LOC128462377: variants seen among roughly 807,000 people sequenced by gnomAD.
chr16:89,341,746 ACT>A, the LOC128462377 span, among the ~76,000 whole-genome samples: 1 of 152,230 alleles, frequency 6.6e-6, no homozygotes, highest in East Asian at 1.9e-4. Context: ...CCTTGGGTTA[ACT>A]CTCTCTGCAC....
At chr16:89,336,060 C>A in the LOC128462377 span, among the ~76,000 whole-genome samples, 1 of 152,200 alleles carries the variant, frequency 6.6e-6, no homozygotes, top group Non-Finnish European at 1.5e-5. Flanking sequence ...GATACTATTC[C>A]TGCCAGTTGG....
chr16:89,358,758 C>A, the LOC128462377 span, among the ~76,000 whole-genome samples: 6 of 152,184 alleles, frequency 3.9e-5, no homozygotes, highest in Non-Finnish European at 7.3e-5. Context: ...GATAACCCCA[C>A]GTGCAAACCA....
chr16:89,402,027 A>G, the LOC128462377 span, among the ~76,000 whole-genome samples: 6 of 148,172 alleles, frequency 4.0e-5, no homozygotes, highest in South Asian at 2.1e-4. Context: ...CCTTGCTGTG[A>G]AAGCTCCTGG....
chr16:89,379,175 T>C, the LOC128462377 span, among the ~76,000 whole-genome samples: 1 of 152,218 alleles, frequency 6.6e-6, no homozygotes, highest in African/African-American at 2.4e-5. Flanking sequence ...CACACGGCCA[T>C]TCTGGGAGCT....
At chr16:89,350,607 C>T in the LOC128462377 span, among the ~76,000 whole-genome samples, 2 of 152,108 alleles carry the variant, frequency 1.3e-5, no homozygotes, top group Non-Finnish European at 2.9e-5. Context: ...CTACAGTGAC[C>T]GAAAGCACAT....
the LOC128462377 span, among the ~76,000 whole-genome samples, chr16:89,398,414 C>G: frequency 2.3e-5 from 3 of 129,214 alleles, no homozygotes; most frequent in Admixed American, 1.6e-4. Flanking sequence ...TCTCAGCACT[C>G]TGGGAGGCTG....
At chr16:89,388,825 G>C in the LOC128462377 span, among the ~76,000 whole-genome samples, 1 of 152,182 alleles carries the variant, frequency 6.6e-6, no homozygotes, top group South Asian at 2.1e-4. Flanking sequence ...GCCACAGCCC[G>C]GGGAATGATG....
At chr16:89,319,763 C>T in the LOC128462377 span, among the ~76,000 whole-genome samples, 9 of 152,252 alleles carry the variant, frequency 5.9e-5, no homozygotes, top group Non-Finnish European at 1.2e-4. Context: ...TCCCAGGACC[C>T]GCCTGCAGGC....
At chr16:89,324,297 A>C in the LOC128462377 span, 2 of 1,264,238 alleles carry the variant, frequency 1.6e-6, no homozygotes, top group South Asian at 1.3e-5. Flanking sequence ...AACACGGACC[A>C]CCCGACAGGA....
At chr16:89,359,772 TCTACA>T in the LOC128462377 span, among the ~76,000 whole-genome samples, 1 of 152,226 alleles carries the variant, frequency 6.6e-6, no homozygotes, top group African/African-American at 2.4e-5. Flanking sequence ...TGCATTTTAG[TCTACA>T]CTACATTCTA....
the LOC128462377 span, among the ~76,000 whole-genome samples, chr16:89,408,951 T>C: frequency 5.3e-5 from 8 of 151,838 alleles, no homozygotes; most frequent in East Asian, 1.9e-4. Context: ...CGCTGTGGAG[T>C]GCGGTTTCTA....
At chr16:89,411,465 G>GT in the LOC128462377 span, among the ~76,000 whole-genome samples, 1 of 152,186 alleles carries the variant, frequency 6.6e-6, no homozygotes, top group Non-Finnish European at 1.5e-5. Flanking sequence ...TAGAGCTGGA[G>GT]TGCAGTGGTG....
At chr16:89,337,270 G>A in the LOC128462377 span, among the ~76,000 whole-genome samples, 3 of 151,808 alleles carry the variant, frequency 2.0e-5, no homozygotes, top group Non-Finnish European at 2.9e-5. Flanking sequence ...TGCTCCCAAG[G>A]AAACGTCAGA....
chr16:89,348,902 C>A, the LOC128462377 span, among the ~76,000 whole-genome samples: 4 of 148,710 alleles, frequency 2.7e-5, no homozygotes, highest in East Asian at 2.0e-4. Context: ...CCCAGCCGGG[C>A]ATATCACCTG....
At chr16:89,337,476 G>A in the LOC128462377 span, among the ~76,000 whole-genome samples, 36 of 108,048 alleles carry the variant, frequency 3.3e-4, no homozygotes, top group Admixed American at 4.4e-3. Context: ...TCCCTCTGTC[G>A]CCCAGGCTGG....
the LOC128462377 span, among the ~76,000 whole-genome samples, chr16:89,398,311 G>A: frequency 2.2e-4 from 31 of 138,762 alleles, no homozygotes; most frequent in African/African-American, 8.6e-4. Context: ...TGACATGAGG[G>A]ACACTGTGAA....
the LOC128462377 span, among the ~76,000 whole-genome samples, chr16:89,376,381 G>A: frequency 6.6e-6 from 1 of 152,188 alleles, no homozygotes; most frequent in Non-Finnish European, 1.5e-5. Flanking sequence ...TAGCAGATGA[G>A]GTCCCAGACA....
chr16:89,407,299 C>CG, the LOC128462377 span, among the ~76,000 whole-genome samples: 7 of 151,298 alleles, frequency 4.6e-5, no homozygotes, highest in Non-Finnish European at 1.5e-5. Context: ...ATAAGGAACA[C>CG]GGGGGGAAAA....
At chr16:89,362,725 T>C in the LOC128462377 span, among the ~76,000 whole-genome samples, 3 of 152,254 alleles carry the variant, frequency 2.0e-5, no homozygotes, top group Non-Finnish European at 1.5e-5. Flanking sequence ...TTAGCCTAAG[T>C]ATCTGCCCTG....
Sources: allele counts gnomAD v4.1 joint callset (sites outside exome capture counted in the v4.1 genomes callset), GRCh38; gene constraint gnomAD v4.1.1; transcripts MANE v1.5.